Variants in FSTL5 observed in about 807,000 individuals in gnomAD.
The protein encoded by FSTL5 is follistatin like 5.
A neutral mutation model predicts 89.1 loss-of-function variants in FSTL5; 62 were observed. That is an observed-to-expected ratio of 0.70 (90% confidence interval 0.57 to 0.86). The LOEUF is 0.86. Among genes scored for constraint, FSTL5 ranks in the 40% least tolerant of loss-of-function variants. The pLI, the probability that FSTL5 is intolerant of heterozygous loss-of-function variation, is 0.00. For missense variants in FSTL5, 1,057 were observed against 1,001.6 expected (o/e 1.06, Z -0.75); for synonymous variants, 383 against 346.2 (o/e 1.11, Z -1.18).
intron 6 of FSTL5, among the ~76,000 whole-genome samples, chr4:161,747,164 CAA>C (rs1234287836): frequency 1.3e-5 from 2 of 152,116 alleles, no homozygotes; most frequent in East Asian, 3.8e-4. Context: ...AAGAACATAA[CAA>C]ATGTTGATTG....
intron 11 of FSTL5, among the ~76,000 whole-genome samples, chr4:161,504,817 T>C (rs1381410173): frequency 2.6e-5 from 4 of 152,122 alleles, no homozygotes; most frequent in Middle Eastern, 3.4e-3. Context: ...CAGTAGTGTA[T>C]TGTGAAATAT....
intron 10 of FSTL5, 143 bp downstream of exon 10, chr4:161,538,023 T>C: frequency 1.3e-6 from 1 of 749,200 alleles, no homozygotes; most frequent in Non-Finnish European, 2.1e-6. Context: ...TTTCAAGATT[T>C]CTATCCTTCC....
At chr4:161,759,039 T>A (rs890792185) in intron 6 of FSTL5, among the ~76,000 whole-genome samples, 38 of 152,328 alleles carry the variant, frequency 2.5e-4, no homozygotes, top group Admixed American at 1.9e-3. Flanking sequence ...TTAATCCATT[T>A]TGGTTTCCCA....
chr4:161,706,147 T>A (rs1388100373), intron 6 of FSTL5, among the ~76,000 whole-genome samples: 1 of 150,674 alleles, frequency 6.6e-6, no homozygotes, highest in Non-Finnish European at 1.5e-5. Context: ...AAAAAATATA[T>A]ATCTCATGTC....
chr4:161,468,136 A>G (rs1733808715), intron 13 of FSTL5, among the ~76,000 whole-genome samples: 1 of 152,026 alleles, frequency 6.6e-6, no homozygotes, highest in Admixed American at 6.6e-5. Context: ...CCTTTTTTAT[A>G]ATTGACAGGT....
chr4:161,601,199 G>C (rs1265925215), intron 7 of FSTL5, among the ~76,000 whole-genome samples: 6 of 151,956 alleles, frequency 3.9e-5, no homozygotes, highest in Admixed American at 2.0e-4. Context: ...GGCAGGAGAG[G>C]CATTCCTCAT....
At chr4:161,919,626 A>T (rs919936122) in intron 4 of FSTL5, among the ~76,000 whole-genome samples, 2 of 152,146 alleles carry the variant, frequency 1.3e-5, no homozygotes, top group Non-Finnish European at 2.9e-5. Context: ...TAGAAGTCAG[A>T]TTAATTATTG....
chr4:161,927,535 G>A (rs1437628929), intron 3 of FSTL5, among the ~76,000 whole-genome samples: 1 of 150,744 alleles, frequency 6.6e-6, no homozygotes, highest in Non-Finnish European at 1.5e-5. Context: ...AGTAATTTCT[G>A]TTATAATTAT....
chr4:162,144,533 C>T (rs1460882992), intron 1 of FSTL5, among the ~76,000 whole-genome samples: 1 of 152,054 alleles, frequency 6.6e-6, no homozygotes, highest in Admixed American at 6.6e-5. Flanking sequence ...AGTATGGAAT[C>T]AAACTCAACT....
At chr4:162,004,895 C>A (rs1363386532) in intron 3 of FSTL5, among the ~76,000 whole-genome samples, 5 of 152,124 alleles carry the variant, frequency 3.3e-5, no homozygotes, top group Admixed American at 1.3e-4. Context: ...TCCCAACTGT[C>A]CCCATGATTT....
chr4:161,515,982 C>G (rs1342711399), intron 10 of FSTL5, among the ~76,000 whole-genome samples: 1 of 151,706 alleles, frequency 6.6e-6, no homozygotes, highest in Non-Finnish European at 1.5e-5. Flanking sequence ...TGAAATTATT[C>G]ATTTCAAACA....
Position 161,453,925 on chromosome 4 carries a change from T to G in FSTL5, c.1841+1079A>C, listed in dbSNP as rs141385941. On this transcript the variant is annotated intron_variant, in intron 15 of 15. Coordinates refer to ENST00000306100, the MANE Select transcript of FSTL5 (RefSeq NM_020116.5). The stretch of plus-strand genomic sequence containing the variant: ...TTATGTTATTTAATCACTTTTTTGC[T>G]GAGCACATAATAGGCATTCTGAAAA... 1.1e-4 allele frequency among the ~76,000 whole-genome samples: 17 copies of G among 152,264 alleles called. No individual in the cohort carries two copies. In the East Asian group the frequency reaches 3.3e-3, roughly 29 times the overall value.
At chr4:162,116,956 G>T (rs1378503124) in intron 1 of FSTL5, among the ~76,000 whole-genome samples, 1 of 152,092 alleles carries the variant, frequency 6.6e-6, no homozygotes, top group Non-Finnish European at 1.5e-5. Flanking sequence ...TTTCTTATGT[G>T]ACTTCACCTC....
At chr4:161,693,636 C>CTTTTTTTT (rs5863476) in intron 6 of FSTL5, among the ~76,000 whole-genome samples, 2 of 105,284 alleles carry the variant, frequency 1.9e-5, no homozygotes, top group East Asian at 3.1e-4. Context: ...TCTTGTAAAT[C>CTTTTTTTT]TTTTTTTTTT....
chr4:161,731,274 A>C (rs1038415657), intron 6 of FSTL5, among the ~76,000 whole-genome samples: 24 of 152,010 alleles, frequency 1.6e-4, no homozygotes, highest in African/African-American at 5.8e-4. Context: ...ATTTATCCCC[A>C]ACGTCACACC....
chr4:162,043,944 A>ATCTGCAGTTACTT (rs1262485470), intron 2 of FSTL5, among the ~76,000 whole-genome samples: 2 of 152,120 alleles, frequency 1.3e-5, no homozygotes, highest in Non-Finnish European at 2.9e-5. Context: ...TTTCCACAAC[A>ATCTGCAGTTACTT]TCTGCAGTTA....
At chr4:161,752,102 AT>A (rs781067822) in intron 6 of FSTL5, among the ~76,000 whole-genome samples, 2 of 152,106 alleles carry the variant, frequency 1.3e-5, no homozygotes, top group East Asian at 1.9e-4. Flanking sequence ...TTGTTGTTTT[AT>A]TTTTTAAATA....
At chr4:162,040,733 G>T (rs1161782872) in intron 2 of FSTL5, among the ~76,000 whole-genome samples, 1 of 151,964 alleles carries the variant, frequency 6.6e-6, no homozygotes, top group Non-Finnish European at 1.5e-5. Flanking sequence ...CTTAGAATTT[G>T]AGTCATATCC....
intron 3 of FSTL5, among the ~76,000 whole-genome samples, chr4:161,948,485 C>CTTTTTTTTTT (rs35577056): frequency 3.9e-4 from 45 of 114,062 alleles, no homozygotes; most frequent in Non-Finnish European, 5.7e-4. Context: ...TCTTTTCTTT[C>CTTTTTTTTTT]TTTTTTTTTT....
Sources: allele counts gnomAD v4.1 joint callset (sites outside exome capture counted in the v4.1 genomes callset), GRCh38; gene constraint gnomAD v4.1.1; transcripts MANE v1.5; gene names NCBI Gene and HGNC (gene_info 2026-07-23, HGNC 2026-07-21).